L2HGDH: variants seen among roughly 807,000 people sequenced by gnomAD.
The protein encoded by L2HGDH is L-2-hydroxyglutarate dehydrogenase, mitochondrial.
L2HGDH carries 34 observed loss-of-function variants against 51.5 expected under a neutral mutation model. The observed-to-expected ratio is 0.66, with a 90% CI of 0.50 to 0.88. The LOEUF is 0.88. Among genes scored for constraint, L2HGDH ranks in the 40% least tolerant of loss-of-function variants. The probability of loss-of-function intolerance (pLI) is 0.00; values close to 1 mark genes in which losing one functional copy is unlikely to be tolerated. For missense variants in L2HGDH, 558 were observed against 571.9 expected, an observed-to-expected ratio of 0.98 and a Z score of 0.25; for synonymous variants, 198 against 197.9, an observed-to-expected ratio of 1.00 and a Z score of -0.01.
At chr14:50,290,083 G>A (rs540845973) in intron 4 of L2HGDH, among the ~76,000 whole-genome samples, 2 of 152,182 alleles carry the variant, frequency 1.3e-5, no homozygotes, top group South Asian at 2.1e-4. Context: ...GGCTAACAAG[G>A]TGAAACCCTG....
intron 6 of L2HGDH, among the ~76,000 whole-genome samples, chr14:50,270,456 T>C (rs1409760494): frequency 6.6e-6 from 1 of 152,044 alleles, no homozygotes; most frequent in Non-Finnish European, 1.5e-5. Flanking sequence ...AGTTCTCACC[T>C]GTCTCAACAT....
chr14:50,258,514 C>G (rs768158296), intron 9 of L2HGDH, among the ~76,000 whole-genome samples: 1 of 149,940 alleles, frequency 6.7e-6, no homozygotes, highest in Non-Finnish European at 1.5e-5. Context: ...TCAGCCACCA[C>G]GCCCAGTCTT....
At chr14:50,277,196 G>GTTTTTTTTTTTTTTTTT (rs923361892) in intron 6 of L2HGDH, among the ~76,000 whole-genome samples, 1 of 132,556 alleles carries the variant, frequency 7.5e-6, no homozygotes, top group Non-Finnish European at 1.6e-5. Flanking sequence ...AAAGTAGACT[G>GTTTTTTTTTTTTTTTTT]TTTTTTTTTT....
intron 1 of L2HGDH, among the ~76,000 whole-genome samples, chr14:50,307,248 C>G (rs1049162889): frequency 6.6e-6 from 1 of 152,134 alleles, no homozygotes; most frequent in Admixed American, 6.6e-5. Context: ...ATCAATAAAC[C>G]CTTCTTATTT....
intron 4 of L2HGDH, among the ~76,000 whole-genome samples, chr14:50,289,915 T>C (rs1890779060): frequency 6.6e-6 from 1 of 152,154 alleles, no homozygotes; most frequent in Non-Finnish European, 1.5e-5. Context: ...TAGATGCAAG[T>C]TAATTTCAAA....
At chr14:50,264,206 C>T (rs1335046853) in intron 9 of L2HGDH, among the ~76,000 whole-genome samples, 2 of 151,820 alleles carry the variant, frequency 1.3e-5, no homozygotes, top group African/African-American at 4.8e-5. Flanking sequence ...AGGAGAAACC[C>T]TGTCTCTACT....
chr14:50,289,911 C>T (rs975568436), intron 4 of L2HGDH, among the ~76,000 whole-genome samples: 4 of 152,112 alleles, frequency 2.6e-5, no homozygotes, highest in Non-Finnish European at 5.9e-5. Context: ...ATGCTAGATG[C>T]AAGTTAATTT....
intron 4 of L2HGDH, among the ~76,000 whole-genome samples, chr14:50,291,895 G>A (rs1467000466): frequency 9.2e-5 from 14 of 152,122 alleles, no homozygotes; most frequent in Non-Finnish European, 1.9e-4. Context: ...CAGATAAAAT[G>A]TCTGGGTATA....
intron 3 of L2HGDH, among the ~76,000 whole-genome samples, chr14:50,299,107 C>T (rs546591650): frequency 5.3e-5 from 8 of 151,852 alleles, no homozygotes; most frequent in South Asian, 2.1e-4. Flanking sequence ...AGAGAAGACC[C>T]GGATAAATAA....
intron 4 of L2HGDH, among the ~76,000 whole-genome samples, chr14:50,290,226 C>A (rs1482875721): frequency 6.6e-6 from 1 of 151,924 alleles, no homozygotes; most frequent in African/African-American, 2.4e-5. Flanking sequence ...GAGATCACGC[C>A]ACTGCACTCC....
rs2031225398 is a variant in L2HGDH at position 50,311,896 on chromosome 14, C to T, written c.140+115G>A. On this transcript the variant is annotated intron_variant, in intron 1 of 9. Coordinates refer to ENST00000267436, the MANE Select transcript of L2HGDH (RefSeq NM_024884.3). ...ATCCGAGGTTGGAGTGCCACAGGAC[C>T]CCAACCTGCTCTCACCCCGGGACAG... is the stretch of plus-strand genomic sequence containing the variant. 3 of 1,413,656 alleles carry T rather than the reference C, an allele frequency of 2.1e-6. No homozygotes were observed. In the East Asian group the frequency reaches 7.5e-5, roughly 35 times the overall value. 87.6% of individuals were successfully genotyped at this position (1,413,656 alleles called of 1,614,324 possible).
At position 50,243,494 on chromosome 14, in the gene L2HGDH, T is replaced by A. The variant is rs1460360709; in HGVS notation, c.*3564A>T. 1 of 755,818 alleles carries A rather than the reference T, an allele frequency of 1.3e-6. No homozygotes were observed. Among genetic ancestry groups the A allele is most frequent in the Non-Finnish European group, 1.6e-6 (1 of 621,100 alleles). The allele number at this position is 755,818 out of a possible 1,614,324, so 46.8% of individuals were successfully genotyped here. On this transcript the variant is annotated 3_prime_UTR_variant, in exon 10 of 10. Transcript: ENST00000267436. ...TACAACACCAAGGCTCATTAAAATA[T>A]TTTAAATATTAATATACATTTCTTC...
chr14:50,270,949 T>C (rs1889648191), intron 6 of L2HGDH, among the ~76,000 whole-genome samples: 1 of 152,214 alleles, frequency 6.6e-6, no homozygotes, highest in Admixed American at 6.5e-5. Flanking sequence ...AACTTCTCCA[T>C]AATGAATTCA....
In L2HGDH at chr14:50,299,666, A is replaced by T. The variant is rs530520675; in HGVS notation, c.408+2351T>A. 1.7e-4 allele frequency among the ~76,000 whole-genome samples: 26 copies of T among 152,352 alleles called. No homozygotes were observed. The East Asian group carries it at 4.6e-3, about 27-fold the overall frequency. On this transcript the variant is annotated intron_variant, in intron 3 of 9. Coordinates refer to ENST00000267436, the MANE Select transcript of L2HGDH (RefSeq NM_024884.3). ...AACCCAGGGATGCAAAGGATGGTTCAACATATGTAAATCAATCAAGGTGAC... is the reference window on the plus strand; with the variant it reads ...AACCCAGGGATGCAAAGGATGGTTCTACATATGTAAATCAATCAAGGTGAC...
At chr14:50,304,087 A>G (rs1486515671) in intron 1 of L2HGDH, among the ~76,000 whole-genome samples, 1 of 152,242 alleles carries the variant, frequency 6.6e-6, no homozygotes, top group Non-Finnish European at 1.5e-5. Flanking sequence ...CACCTAGGCT[A>G]TATGGGATAG....
intron 4 of L2HGDH, among the ~76,000 whole-genome samples, chr14:50,289,180 A>T (rs992395535): frequency 1.3e-5 from 2 of 152,160 alleles, no homozygotes; most frequent in African/African-American, 4.8e-5. Flanking sequence ...CAGTCTAAAC[A>T]ACCAGCCCTT....
chr14:50,311,947 C>G, intron 1 of L2HGDH, 64 bp downstream of exon 1: 1 of 1,532,738 alleles, frequency 6.5e-7, no homozygotes. Context: ...GGCACAGGTC[C>G]ACCACCAGGT....
intron 4 of L2HGDH, among the ~76,000 whole-genome samples, chr14:50,292,224 C>T (rs968168859): frequency 3.3e-5 from 5 of 152,182 alleles, no homozygotes; most frequent in Admixed American, 6.6e-5. Context: ...CTCCACACTA[C>T]AAAGATGTAA....
chr14:50,273,748 T>C (rs1366093247), intron 6 of L2HGDH, among the ~76,000 whole-genome samples: 2 of 152,158 alleles, frequency 1.3e-5, no homozygotes, highest in East Asian at 3.9e-4. Context: ...GAAACTCATA[T>C]AATTCAATAG....
Sources: gnomAD v4.1 joint callset for allele counts (sites outside exome capture counted in the v4.1 genomes callset) on GRCh38, gnomAD v4.1.1 for gene constraint, MANE v1.5 for transcripts, NCBI Gene and HGNC (gene_info 2026-07-23, HGNC 2026-07-21) for gene names.